ENTREP2: variants seen among roughly 807,000 people sequenced by gnomAD.
ENTREP2 encodes protein ENTREP2.
the ENTREP2 span, among the ~76,000 whole-genome samples, chr15:29,523,272 T>A: frequency 6.6e-6 from 1 of 152,158 alleles, no homozygotes; most frequent in South Asian, 2.1e-4. Context: ...CAAAAATCAA[T>A]ACACAGAAAT....
the ENTREP2 span, among the ~76,000 whole-genome samples, chr15:29,221,981 T>C: frequency 6.6e-6 from 1 of 152,312 alleles, no homozygotes; most frequent in East Asian, 1.9e-4. Flanking sequence ...CTCCAACTTG[T>C]AACATTTCAG....
the ENTREP2 span, among the ~76,000 whole-genome samples, chr15:29,172,424 A>G: frequency 6.6e-6 from 1 of 152,156 alleles, no homozygotes; most frequent in South Asian, 2.1e-4. Context: ...AGTGTCTTCT[A>G]GTGTCTTGCC....
chr15:29,124,906 T>A, the ENTREP2 span: 1 of 723,402 alleles, frequency 1.4e-6, no homozygotes, highest in Non-Finnish European at 2.3e-6. Context: ...GAGCGGCAGA[T>A]CAGACAGGAA....
the ENTREP2 span, among the ~76,000 whole-genome samples, chr15:29,488,357 G>C: frequency 6.6e-6 from 1 of 151,904 alleles, no homozygotes; most frequent in African/African-American, 2.4e-5. Flanking sequence ...ATAAAGACAG[G>C]GCAATGAAAA....
At chr15:29,395,282 C>T in the ENTREP2 span, among the ~76,000 whole-genome samples, 2 of 151,868 alleles carry the variant, frequency 1.3e-5, no homozygotes, top group African/African-American at 4.8e-5. Context: ...TTGCTTCCAC[C>T]TTTTAGCTAT....
the ENTREP2 span, among the ~76,000 whole-genome samples, chr15:29,316,043 T>G: frequency 3.2e-4 from 48 of 152,234 alleles, 1 homozygote; most frequent in South Asian, 1.0e-2. Flanking sequence ...ACAGAAATGA[T>G]AACTAGAATT....
At chr15:29,632,898 G>C in the ENTREP2 span, among the ~76,000 whole-genome samples, 2 of 152,192 alleles carry the variant, frequency 1.3e-5, no homozygotes, top group African/African-American at 4.8e-5. Flanking sequence ...AGTCTTGCAG[G>C]GGGTACAGGT....
chr15:29,343,336 G>A, the ENTREP2 span, among the ~76,000 whole-genome samples: 1 of 151,932 alleles, frequency 6.6e-6, no homozygotes, highest in African/African-American at 2.4e-5. Context: ...ACTGCGGGGG[G>A]CCTCATCCAA....
chr15:29,318,581 A>T, the ENTREP2 span, among the ~76,000 whole-genome samples: 1 of 152,168 alleles, frequency 6.6e-6, no homozygotes, highest in Non-Finnish European at 1.5e-5. Flanking sequence ...CGGCCTCCCA[A>T]AGTGCTGAGA....
chr15:29,638,304 G>A, the ENTREP2 span, among the ~76,000 whole-genome samples: 1 of 152,190 alleles, frequency 6.6e-6, no homozygotes, highest in Non-Finnish European at 1.5e-5. Flanking sequence ...CCTTGGTGGT[G>A]GGGGTTTATC....
chr15:29,129,886 T>C, the ENTREP2 span, among the ~76,000 whole-genome samples: 1 of 152,188 alleles, frequency 6.6e-6, no homozygotes. Context: ...AAAACAATTT[T>C]TTGAATCCCT....
chr15:29,237,077 A>G, the ENTREP2 span, among the ~76,000 whole-genome samples: 1 of 152,334 alleles, frequency 6.6e-6, no homozygotes, highest in Non-Finnish European at 1.5e-5. Context: ...TAACATTTGA[A>G]AATCAATGAA....
At chr15:29,179,940 G>A in the ENTREP2 span, among the ~76,000 whole-genome samples, 105 of 152,178 alleles carry the variant, frequency 6.9e-4, no homozygotes, top group Non-Finnish European at 1.4e-3. Context: ...CTGATGCTAT[G>A]GAAGCAGATG....
chr15:29,153,155 T>C, the ENTREP2 span, among the ~76,000 whole-genome samples: 1 of 152,140 alleles, frequency 6.6e-6, no homozygotes, highest in Non-Finnish European at 1.5e-5. Context: ...CTTTTTTTTT[T>C]TTGTAGTGTT....
At chr15:29,133,893 C>T in the ENTREP2 span, among the ~76,000 whole-genome samples, 29,620 of 151,996 alleles carry the variant, frequency 0.19, 7,098 homozygotes, top group African/African-American at 0.57. Flanking sequence ...AGACTCTTTA[C>T]GGACGACCTT....
the ENTREP2 span, among the ~76,000 whole-genome samples, chr15:29,166,631 A>G: frequency 6.6e-6 from 1 of 152,142 alleles, no homozygotes; most frequent in East Asian, 1.9e-4. Context: ...AAAGACATCT[A>G]CAAGAAAAAC....
chr15:29,626,415 C>T, the ENTREP2 span, among the ~76,000 whole-genome samples: 1 of 152,172 alleles, frequency 6.6e-6, no homozygotes, highest in Non-Finnish European at 1.5e-5. Context: ...CCTGCACAAG[C>T]TCTCTTGCCT....
chr15:29,374,770 GT>G, the ENTREP2 span: 1 of 151,870 alleles, frequency 6.6e-6, no homozygotes. Flanking sequence ...TTGAAAAAAT[GT>G]TTTTTCTCTG....
chr15:29,630,613 C>T, the ENTREP2 span, among the ~76,000 whole-genome samples: 1 of 152,072 alleles, frequency 6.6e-6, no homozygotes. Flanking sequence ...GACATAAACG[C>T]TAGTTCTTTT....
Sources: gnomAD v4.1 joint callset for allele counts (sites outside exome capture counted in the v4.1 genomes callset) on GRCh38, gnomAD v4.1.1 for gene constraint, MANE v1.5 for transcripts, NCBI Gene and HGNC (gene_info 2026-07-23, HGNC 2026-07-21) for gene names.